The following GABRB1 variants were observed in gnomAD, a reference collection of about 807,000 sequenced individuals.
The protein encoded by GABRB1 is gamma-aminobutyric acid type A receptor subunit beta1, also known as gamma-aminobutyric acid receptor subunit beta-1.
GABRB1 carries 17 observed loss-of-function variants against 51.6 expected under a neutral mutation model. The ratio of observed to expected loss-of-function variants is 0.33; its 90% CI spans 0.23 to 0.49. GABRB1 has a LOEUF of 0.49. Ranked by LOEUF, GABRB1 falls within the 20% of genes least tolerant of loss-of-function variation. GABRB1 has a pLI of 0.99. For synonymous variants in GABRB1, 247 were observed against 218.9 expected (o/e 1.13, Z -1.14); for missense variants, 410 against 600.6 (o/e 0.68, Z 3.32).
intron 4 of GABRB1, among the ~76,000 whole-genome samples, chr4:47,300,936 A>G (rs963683739): frequency 2.6e-4 from 39 of 152,208 alleles, no homozygotes; most frequent in African/African-American, 8.9e-4. Context: ...TCACCCAAAG[A>G]GTATGGAAAT....
At chr4:47,136,525 A>T (rs201045830) in intron 3 of GABRB1, among the ~76,000 whole-genome samples, 400 of 151,730 alleles carry the variant, frequency 2.6e-3, no homozygotes, top group Middle Eastern at 6.8e-3. Context: ...ATTAAAAAAA[A>T]ATATATAAAA....
chr4:47,289,264 T>G (rs1410944543), intron 4 of GABRB1, among the ~76,000 whole-genome samples: 1 of 152,194 alleles, frequency 6.6e-6, no homozygotes, highest in Non-Finnish European at 1.5e-5. Flanking sequence ...AGTTTTTGTT[T>G]CCGTTTTGAA....
intron 1 of GABRB1, among the ~76,000 whole-genome samples, chr4:47,016,031 G>T (rs1173032899): frequency 2.0e-5 from 3 of 152,200 alleles, no homozygotes; most frequent in African/African-American, 7.2e-5. Flanking sequence ...GAGATGGGCA[G>T]AAAAGCACTG....
chr4:47,052,054 C>T (rs1726372769), intron 3 of GABRB1, among the ~76,000 whole-genome samples: 1 of 152,092 alleles, frequency 6.6e-6, no homozygotes, highest in Non-Finnish European at 1.5e-5. Flanking sequence ...TGCTTGAACC[C>T]AGGAGGTAGA....
Position 47,128,860 on chromosome 4 carries a change from C to G in GABRB1, c.241-32389C>G, listed in dbSNP as rs142746147. Among the ~76,000 whole-genome samples the G allele has an allele frequency of 2.7e-3, 407 of 152,102 alleles. 1 individual carries two copies. The highest frequency in any genetic ancestry group is 9.5e-3 in the African/African-American group (393 of 41,506). ...TTTATTGCTTTCAGTCTGTATCACA[C>G]CACCCTGAGCTTGATTATATTGACT... On this transcript the variant is annotated intron_variant, in intron 3 of 8. Coordinates refer to ENST00000295454, the MANE Select transcript of GABRB1 (RefSeq NM_000812.4).
chr4:47,251,274 T>C (rs1338743639), intron 4 of GABRB1, among the ~76,000 whole-genome samples: 2 of 152,216 alleles, frequency 1.3e-5, no homozygotes, highest in Non-Finnish European at 2.9e-5. Context: ...TGGAGTTATC[T>C]GCACAGAGTC....
intron 4 of GABRB1, among the ~76,000 whole-genome samples, chr4:47,297,373 A>T (rs1227765775): frequency 1.9e-5 from 2 of 103,104 alleles, no homozygotes; most frequent in Non-Finnish European, 4.1e-5. Flanking sequence ...AAGACTAATA[A>T]AGAAGAAAAG....
intron 1 of GABRB1, among the ~76,000 whole-genome samples, chr4:47,024,191 G>A (rs1725015891): frequency 6.6e-6 from 1 of 151,776 alleles, no homozygotes; most frequent in South Asian, 2.1e-4. Context: ...ACTCTTGGAT[G>A]CTTTTATACT....
At chr4:47,170,655 T>C (rs867198171) in intron 4 of GABRB1, among the ~76,000 whole-genome samples, 5 of 152,218 alleles carry the variant, frequency 3.3e-5, no homozygotes, top group African/African-American at 1.2e-4. Flanking sequence ...GAAATAAATA[T>C]GAGAGTTGAT....
intron 1 of GABRB1, among the ~76,000 whole-genome samples, chr4:47,000,801 A>T (rs1390783528): frequency 6.6e-6 from 1 of 152,174 alleles, no homozygotes; most frequent in Non-Finnish European, 1.5e-5. Flanking sequence ...TGGTTTTCCC[A>T]AAGTAAGCAT....
chr4:47,134,814 CACTT>C (rs1716569030), intron 3 of GABRB1, among the ~76,000 whole-genome samples: 1 of 152,148 alleles, frequency 6.6e-6, no homozygotes, highest in African/African-American at 2.4e-5. Flanking sequence ...AAGACTTTAA[CACTT>C]ACCAATGTAA....
chr4:47,041,363 C>A (rs1725827305), intron 3 of GABRB1, among the ~76,000 whole-genome samples: 2 of 152,176 alleles, frequency 1.3e-5, no homozygotes, highest in African/African-American at 2.4e-5. Context: ...ATAGATTATA[C>A]TATTTTGTTT....
chr4:47,174,047 GT>G (rs780916090), intron 4 of GABRB1, among the ~76,000 whole-genome samples: 3 of 150,806 alleles, frequency 2.0e-5, no homozygotes, highest in Non-Finnish European at 4.4e-5. Flanking sequence ...TCCCTTTTTT[GT>G]TTTTTTTGTT....
At chr4:47,045,460 CATCATCA>C in intron 3 of GABRB1, among the ~76,000 whole-genome samples, 1 of 151,542 alleles carries the variant, frequency 6.6e-6, no homozygotes, top group East Asian at 1.9e-4. Context: ...TCATCATCAT[CATCATCA>C]TCATCATCAT....
chr4:47,025,161 G>T (rs928490496), intron 1 of GABRB1, among the ~76,000 whole-genome samples: 3 of 150,376 alleles, frequency 2.0e-5, no homozygotes, highest in African/African-American at 7.3e-5. Flanking sequence ...GCGTATTTGG[G>T]TTGGCTCCAC....
intron 4 of GABRB1, among the ~76,000 whole-genome samples, chr4:47,304,132 G>T (rs1420879251): frequency 6.6e-6 from 1 of 151,964 alleles, no homozygotes; most frequent in East Asian, 1.9e-4. Flanking sequence ...TCAACAGACT[G>T]ATTTTGTTTC....
At chr4:47,302,479 T>C (rs1724297061) in intron 4 of GABRB1, among the ~76,000 whole-genome samples, 1 of 152,012 alleles carries the variant, frequency 6.6e-6, no homozygotes, top group Admixed American at 6.6e-5. Flanking sequence ...TCACAAATAT[T>C]AACTTAATAA....
At chr4:47,137,014 G>A (rs780391166) in intron 3 of GABRB1, among the ~76,000 whole-genome samples, 1 of 152,100 alleles carries the variant, frequency 6.6e-6, no homozygotes, top group Non-Finnish European at 1.5e-5. Flanking sequence ...AGGAGACTAG[G>A]ACTGACTTTG....
intron 8 of GABRB1, among the ~76,000 whole-genome samples, chr4:47,416,900 A>T (rs1383515924): frequency 6.6e-6 from 1 of 152,328 alleles, no homozygotes; most frequent in East Asian, 1.9e-4. Context: ...GCAAGAGGTG[A>T]TGGTGGAAAG....
Sources: gnomAD v4.1 joint callset for allele counts (sites outside exome capture counted in the v4.1 genomes callset) on GRCh38, gnomAD v4.1.1 for gene constraint, MANE v1.5 for transcripts, NCBI Gene and HGNC (gene_info 2026-07-23, HGNC 2026-07-21) for gene names.